The following DTD1 variants were observed in gnomAD, a reference collection of about 807,000 sequenced individuals.
DTD1 encodes the protein D-aminoacyl-tRNA deacylase 1, also known as D-tyrosyl-tRNA deacylase 1 homolog.
Under a neutral mutation model 25.6 loss-of-function variants are expected in DTD1, and 13 were observed. That is an observed-to-expected ratio of 0.51 (90% confidence interval 0.33 to 0.81). The LOEUF is 0.81. Among genes scored for constraint, DTD1 ranks in the 30% least tolerant of loss-of-function variants. The pLI is 0.02. For synonymous variants in DTD1, 110 were observed against 103.6 expected (o/e 1.06, Z -0.37); for missense variants, 193 against 266.4 (o/e 0.72, Z 1.92).
At chr20:18,628,831 G>A (rs972988975) in intron 4 of DTD1, among the ~76,000 whole-genome samples, 7 of 152,092 alleles carry the variant, frequency 4.6e-5, no homozygotes, top group Admixed American at 1.3e-4. Context: ...ATAGAGACAC[G>A]TAGGGCCTGG....
chr20:18,595,415 C>T (rs750199909), intron 2 of DTD1, among the ~76,000 whole-genome samples: 10 of 151,932 alleles, frequency 6.6e-5, no homozygotes, highest in African/African-American at 1.5e-4. Context: ...TAAAGGCGCC[C>T]GCCACCATGC....
chr20:18,590,583 G>A (rs1193804601), intron 1 of DTD1, among the ~76,000 whole-genome samples: 4 of 152,082 alleles, frequency 2.6e-5, no homozygotes, highest in African/African-American at 7.2e-5. Flanking sequence ...CGATTCTCAT[G>A]CCTCTGTGTC....
At chr20:18,740,820 TATC>T (rs1185997543) in intron 4 of DTD1, among the ~76,000 whole-genome samples, 1 of 152,210 alleles carries the variant, frequency 6.6e-6, no homozygotes, top group Non-Finnish European at 1.5e-5. Context: ...ATACTGTCCT[TATC>T]ATTTCATCAA....
At chr20:18,755,214 C>T (rs1210821169) in intron 5 of DTD1, among the ~76,000 whole-genome samples, 1 of 152,052 alleles carries the variant, frequency 6.6e-6, no homozygotes, top group African/African-American at 2.4e-5. Context: ...ATCAAAAATG[C>T]CAAAATACCC....
At chr20:18,671,462 C>G (rs1298804544) in intron 4 of DTD1, among the ~76,000 whole-genome samples, 1 of 152,154 alleles carries the variant, frequency 6.6e-6, no homozygotes, top group Non-Finnish European at 1.5e-5. Context: ...CAATTGCAGT[C>G]TGAGTTATTC....
chr20:18,594,754 C>T (rs549729208), intron 2 of DTD1, among the ~76,000 whole-genome samples: 1 of 152,200 alleles, frequency 6.6e-6, no homozygotes, highest in South Asian at 2.1e-4. Flanking sequence ...AGTAGCTGTC[C>T]TCTGGATACT....
chr20:18,601,257 TG>T (rs1391238091), intron 3 of DTD1, among the ~76,000 whole-genome samples: 1 of 152,056 alleles, frequency 6.6e-6, no homozygotes, highest in Non-Finnish European at 1.5e-5. Context: ...CCCAGCGCTT[TG>T]GGAAGCCGAG....
intron 4 of DTD1, among the ~76,000 whole-genome samples, chr20:18,743,446 C>T (rs1475071166): frequency 6.6e-6 from 1 of 151,926 alleles, no homozygotes; most frequent in Non-Finnish European, 1.5e-5. Context: ...GTAATCACAA[C>T]ACTTTGGGAG....
chr20:18,668,149 C>T (rs765480226), intron 4 of DTD1, among the ~76,000 whole-genome samples: 3 of 152,096 alleles, frequency 2.0e-5, no homozygotes, highest in Non-Finnish European at 4.4e-5. Context: ...TATGTTTGTC[C>T]ATGTGTTTAT....
intron 4 of DTD1, among the ~76,000 whole-genome samples, chr20:18,735,853 T>C (rs552213629): frequency 1.3e-5 from 2 of 152,290 alleles, no homozygotes; most frequent in South Asian, 4.1e-4. Flanking sequence ...CATCTCACTC[T>C]AGAGCACCAG....
intron 3 of DTD1, among the ~76,000 whole-genome samples, chr20:18,600,309 C>T (rs1049529733): frequency 8.5e-5 from 13 of 152,104 alleles, no homozygotes; most frequent in African/African-American, 3.1e-4. Context: ...TCTAGAGGCG[C>T]TTTTTTGTAT....
chr20:18,747,629 C>T (rs773179037), intron 5 of DTD1, among the ~76,000 whole-genome samples: 4 of 152,192 alleles, frequency 2.6e-5, no homozygotes, highest in African/African-American at 9.7e-5. Context: ...CCTTAATGCT[C>T]AGGCATGGCC....
At chr20:18,710,021 C>T (rs2061152150) in intron 4 of DTD1, among the ~76,000 whole-genome samples, 1 of 152,076 alleles carries the variant, frequency 6.6e-6, no homozygotes. Flanking sequence ...CTTCTGAGAG[C>T]ACCATGTATT....
At chr20:18,710,453 TC>T (rs978066792) in intron 4 of DTD1, among the ~76,000 whole-genome samples, 4 of 152,182 alleles carry the variant, frequency 2.6e-5, no homozygotes, top group African/African-American at 9.7e-5. Flanking sequence ...GTAAAATATG[TC>T]CCTTGTTTAA....
chr20:18,715,591 A>G (rs1040808659), intron 4 of DTD1, among the ~76,000 whole-genome samples: 1 of 152,336 alleles, frequency 6.6e-6, no homozygotes, highest in Non-Finnish European at 1.5e-5. Flanking sequence ...TAAAGCATAT[A>G]ATTACTATTT....
chr20:18,723,515 G>A (rs1478844440), intron 4 of DTD1, among the ~76,000 whole-genome samples: 3 of 152,182 alleles, frequency 2.0e-5, no homozygotes, highest in East Asian at 1.9e-4. Flanking sequence ...TTTAATTTGT[G>A]GAATAGAGCC....
At chr20:18,672,461 A>G (rs919471353) in intron 4 of DTD1, among the ~76,000 whole-genome samples, 4 of 152,004 alleles carry the variant, frequency 2.6e-5, no homozygotes, top group African/African-American at 9.7e-5. Flanking sequence ...TTTTTTTTGA[A>G]CTTAGGTATT....
chr20:18,639,077 A>C (rs1177079838), intron 4 of DTD1, among the ~76,000 whole-genome samples: 1 of 151,878 alleles, frequency 6.6e-6, no homozygotes, highest in Non-Finnish European at 1.5e-5. Context: ...TGATGACATC[A>C]GACATTGGAC....
intron 4 of DTD1, among the ~76,000 whole-genome samples, chr20:18,629,593 A>T (rs1401335957): frequency 6.6e-6 from 1 of 150,656 alleles, no homozygotes; most frequent in Non-Finnish European, 1.5e-5. Flanking sequence ...AAGAGTCACC[A>T]TGCCTGGCCA....
Sources: gnomAD v4.1 joint callset for allele counts (sites outside exome capture counted in the v4.1 genomes callset) on GRCh38, gnomAD v4.1.1 for gene constraint, MANE v1.5 for transcripts, NCBI Gene and HGNC (gene_info 2026-07-23, HGNC 2026-07-21) for gene names.